Variants in MNAT1 observed in about 807,000 individuals in gnomAD.
The protein encoded by MNAT1 is MNAT1 component of CDK activating kinase, also known as CDK-activating kinase assembly factor MAT1.
A neutral mutation model predicts 42.0 loss-of-function variants in MNAT1; 43 were observed. That is an observed-to-expected ratio of 1.02 (90% CI 0.80 to 1.32). MNAT1 has a LOEUF of 1.32. Ranked by LOEUF, MNAT1 falls within the 40% of genes most tolerant of loss-of-function variation. The pLI, the probability that MNAT1 is intolerant of heterozygous loss-of-function variation, is 0.00. For missense variants in MNAT1, 306 were observed against 350.4 expected (o/e 0.87, Z 1.01); for synonymous variants, 118 against 120.0 (o/e 0.98, Z 0.11).
chr14:60,906,956 C>T (rs574392049), intron 7 of MNAT1, among the ~76,000 whole-genome samples: 1 of 151,814 alleles, frequency 6.6e-6, no homozygotes, highest in Admixed American at 6.5e-5. Flanking sequence ...TCCCCAAGCT[C>T]CACCTTTCCA....
chr14:60,900,624 A>G (rs774054371), intron 7 of MNAT1, among the ~76,000 whole-genome samples: 9 of 152,180 alleles, frequency 5.9e-5, no homozygotes, highest in Non-Finnish European at 8.8e-5. Context: ...ATCTACCAAG[A>G]TATTGATGAA....
At chr14:60,909,928 T>C (rs1430094399) in intron 7 of MNAT1, among the ~76,000 whole-genome samples, 1 of 152,160 alleles carries the variant, frequency 6.6e-6, no homozygotes, top group Non-Finnish European at 1.5e-5. Context: ...ATGGCCATTT[T>C]CACGATATTG....
chr14:60,955,712 G>A (rs1381026940), intron 7 of MNAT1, among the ~76,000 whole-genome samples: 1 of 152,024 alleles, frequency 6.6e-6, no homozygotes, highest in South Asian at 2.1e-4. Flanking sequence ...CTATTGGTTT[G>A]TTTACAATTT....
At chr14:60,917,370 G>A (rs1190609553) in intron 7 of MNAT1, among the ~76,000 whole-genome samples, 1 of 151,974 alleles carries the variant, frequency 6.6e-6, no homozygotes, top group Non-Finnish European at 1.5e-5. Context: ...ATTTTACATT[G>A]TTTTTATGAA....
At chr14:60,778,869 A>G (rs1306636844) in intron 1 of MNAT1, among the ~76,000 whole-genome samples, 1 of 152,220 alleles carries the variant, frequency 6.6e-6, no homozygotes, top group Admixed American at 6.5e-5. Context: ...GGTAATATGT[A>G]CACGGGTTCA....
intron 6 of MNAT1, among the ~76,000 whole-genome samples, chr14:60,838,017 C>T (rs1054968010): frequency 1.3e-5 from 2 of 152,104 alleles, no homozygotes. Flanking sequence ...CTCTTTTATT[C>T]CTGATATTAG....
At chr14:60,849,941 G>A (rs1376002290) in intron 6 of MNAT1, among the ~76,000 whole-genome samples, 2 of 151,842 alleles carry the variant, frequency 1.3e-5, no homozygotes, top group African/African-American at 4.8e-5. Flanking sequence ...CGTTCAAGTG[G>A]TTCTCCCGCC....
At chr14:60,765,704 A>G (rs2030787262) in intron 1 of MNAT1, among the ~76,000 whole-genome samples, 1 of 152,322 alleles carries the variant, frequency 6.6e-6, no homozygotes, top group Admixed American at 6.5e-5. Context: ...CCCAGACTAG[A>G]TTATTGATGA....
At position 60,923,368 on chromosome 14, in the gene MNAT1, G is replaced by A. The variant is rs373204668; in HGVS notation, c.809+43533G>A. Among the ~76,000 whole-genome samples, 40 of 152,166 alleles carry A rather than the reference G, an allele frequency of 2.6e-4. No individual in the cohort carries two copies. In the South Asian group the frequency reaches 2.9e-3, roughly 11 times the overall value. On this transcript the variant is annotated intron_variant, in intron 7 of 7. Coordinates refer to ENST00000261245, the MANE Select transcript of MNAT1 (RefSeq NM_002431.4). Reference sequence around the variant, plus strand: ...TTTGAGAACCACTAGCTTAATCTTCGTTAATAGCCTTCTAGACCTTTTTTG... The same window carrying A: ...TTTGAGAACCACTAGCTTAATCTTCATTAATAGCCTTCTAGACCTTTTTTG...
At chr14:60,922,895 C>T (rs2034286652) in intron 7 of MNAT1, among the ~76,000 whole-genome samples, 1 of 152,092 alleles carries the variant, frequency 6.6e-6, no homozygotes, top group African/African-American at 2.4e-5. Flanking sequence ...ATTAGTATAC[C>T]AGACTTGAAG....
chr14:60,766,510 G>A (rs1246792852), intron 1 of MNAT1, among the ~76,000 whole-genome samples: 2 of 152,062 alleles, frequency 1.3e-5, no homozygotes, highest in Middle Eastern at 3.4e-3. Context: ...TCAGGAGATC[G>A]AGACCATCCT....
rs2020890 is a variant in MNAT1, at chr14:60,818,699, T to C, written c.562-23T>C. The C allele has an allele frequency of 0.013, 20,116 of 1,514,938 alleles. 2,131 individuals are homozygous for C. The African/African-American group carries it at 0.24, about 18-fold the overall frequency. The allele number at this position is 1,514,938 out of a possible 1,614,324, so 93.8% of individuals were successfully genotyped here. On this transcript the variant is annotated intron_variant, in intron 5 of 7. Coordinates refer to ENST00000261245, the MANE Select transcript of MNAT1 (RefSeq NM_002431.4). The stretch of plus-strand genomic sequence containing the variant: ...TAGTTTTCCCTTTTTACATTTCTTA[T>C]TGAACTTGAACTATTCTTACAGGAG...
At chr14:60,953,840 C>G (rs531425958) in intron 7 of MNAT1, among the ~76,000 whole-genome samples, 1 of 152,048 alleles carries the variant, frequency 6.6e-6, no homozygotes, top group Admixed American at 6.6e-5. Context: ...TGAGGTGATA[C>G]CTCATTGTGA....
chr14:60,950,942 A>G (rs975494145), intron 7 of MNAT1, among the ~76,000 whole-genome samples: 1 of 152,194 alleles, frequency 6.6e-6, no homozygotes, highest in African/African-American at 2.4e-5. Context: ...TTATGTTGCT[A>G]TCAAGAAACT....
intron 1 of MNAT1, among the ~76,000 whole-genome samples, chr14:60,741,724 T>C (rs1222847333): frequency 7.1e-6 from 1 of 141,420 alleles, no homozygotes; most frequent in African/African-American, 2.6e-5. Flanking sequence ...CCCAAGCTGG[T>C]CTCAAACGCC....
chr14:60,911,333 G>T (rs570413431), intron 7 of MNAT1, among the ~76,000 whole-genome samples: 1 of 152,228 alleles, frequency 6.6e-6, no homozygotes, highest in African/African-American at 2.4e-5. Flanking sequence ...CGTCAGTTCT[G>T]CTCTGACTTA....
intron 1 of MNAT1, among the ~76,000 whole-genome samples, chr14:60,791,554 A>G (rs1347522764): frequency 6.6e-6 from 1 of 152,188 alleles, no homozygotes; most frequent in Non-Finnish European, 1.5e-5. Context: ...TTTAACAGCA[A>G]ATATTCCAAA....
chr14:60,887,146 T>A (rs892518016), intron 7 of MNAT1, among the ~76,000 whole-genome samples: 1 of 152,180 alleles, frequency 6.6e-6, no homozygotes, highest in African/African-American at 2.4e-5. Context: ...ATTCTATTGA[T>A]GAGTTGTATA....
At chr14:60,765,199 C>A (rs1336643162) in intron 1 of MNAT1, among the ~76,000 whole-genome samples, 1 of 152,090 alleles carries the variant, frequency 6.6e-6, no homozygotes. Context: ...TGCAGTGAGC[C>A]AAGATCGTGC....
Sources: allele counts gnomAD v4.1 joint callset (sites outside exome capture counted in the v4.1 genomes callset), GRCh38; gene constraint gnomAD v4.1.1; transcripts MANE v1.5; gene names NCBI Gene and HGNC (gene_info 2026-07-23, HGNC 2026-07-21).